The following PSMC3 variants were observed in gnomAD, a reference collection of about 807,000 sequenced individuals.
The protein encoded by PSMC3 is proteasome 26S subunit, ATPase 3.
Under a neutral mutation model 52.0 loss-of-function variants are expected in PSMC3, and 11 were observed. The ratio of observed to expected loss-of-function variants is 0.21; its 90% CI spans 0.13 to 0.35. The LOEUF is 0.35. Among genes scored for constraint, PSMC3 ranks in the 10% least tolerant of loss-of-function variants. The pLI is 1.00. For missense variants in PSMC3, 238 were observed against 567.1 expected (o/e 0.42, Z 5.89); for synonymous variants, 201 against 218.8 (o/e 0.92, Z 0.72).
Position 47,422,512 on chromosome 11 carries a change from A to C in PSMC3, c.884+62T>G. On this transcript the variant is annotated intron_variant, in intron 8 of 11. Transcript: ENST00000298852. This position sits in a 1 kb window ranked among gnomAD's most constrained non-coding sequence, Gnocchi z 4.3. ...AAGGAACCACAATTTAGCACAACTG[A>C]GAGTCAACCCGCTTCCCCTTACCGC... 1 of 1,590,392 alleles carries C rather than the reference A, an allele frequency of 6.3e-7. No individual in the cohort carries two copies. The highest frequency in any genetic ancestry group is 8.6e-7 in the Non-Finnish European group (1 of 1,164,056).
rs141647388 is a variant in PSMC3 at position 47,424,486 on chromosome 11, G to A, written c.396C>T (p.Tyr132=). The A allele has an allele frequency of 7.9e-5, 128 of 1,614,178 alleles. No homozygotes were observed. In the African/African-American group the frequency reaches 1.5e-3, roughly 19 times the overall value. ...AVIKTSTRQT[Y]FLPVIGLVDA... The stretch of plus-strand genomic sequence containing the variant: ...CCACCAACCCAATCACAGGAAGGAA[G>A]TACGTCTGTGGACAAGTTACAGGGG... The change falls in exon 5 of 12, where the codon TAC becomes TAT. Residue 132 remains tyrosine, a synonymous_variant. Transcript: ENST00000298852. The surrounding 1 kb of genome is among the most constrained non-coding windows in gnomAD (Gnocchi z 4.8).
intron 1 of PSMC3, 29 bp from the exon 2 acceptor site, chr11:47,425,979 A>G (rs748336855): frequency 1.3e-5 from 21 of 1,587,702 alleles, no homozygotes; most frequent in Non-Finnish European, 1.6e-5. Context: ...TTATTTATAT[A>G]TTTACTTTTA....
Position 47,424,123 on chromosome 11 carries a change from C to T in PSMC3, c.514G>A (p.Val172Met). The T allele has an allele frequency of 6.2e-7, 1 of 1,614,186 alleles. No homozygotes were observed. Among genetic ancestry groups the T allele is most frequent in the Non-Finnish European group, 8.5e-7 (1 of 1,180,032 alleles). ...CTCTCGTCTACCTCCATGGCCTTCA[C>T]CCGCGAGTCATACTCTGTGGGCAGC... ...ETLPTEYDSR[V>M]KAMEVDERPT... is the part of the protein sequence containing the mutation. Residue 172 changes from valine (V) to methionine (M), a missense_variant, in exon 6 of 12, where the codon GTG (valine) becomes ATG (methionine). Around this residue, in one of 6 missense-constraint regions of PSMC3, gnomAD observed 60 missense variants for 117.3 expected, o/e 0.51. Transcript: ENST00000298852. This position sits in a 1 kb window ranked among gnomAD's most constrained non-coding sequence, Gnocchi z 4.8.
chr11:47,422,261 C>T lies in PSMC3; in HGVS notation c.884+313G>A, dbSNP rs1180411904. On this transcript the variant is annotated intron_variant, in intron 8 of 11. Coordinates refer to ENST00000298852, the MANE Select transcript of PSMC3 (RefSeq NM_002804.5). This position sits in a 1 kb window ranked among gnomAD's most constrained non-coding sequence, Gnocchi z 4.3. Reference sequence around the variant, plus strand: ...GTTTCACCATGTTAGCCAGGATGGTCTCGATCTCCTGACCTCGTGATCCGC... The same window carrying T: ...GTTTCACCATGTTAGCCAGGATGGTTTCGATCTCCTGACCTCGTGATCCGC... Among the ~76,000 whole-genome samples, 1 of 152,150 alleles carries T rather than the reference C, an allele frequency of 6.6e-6. No homozygotes were observed. Among genetic ancestry groups the T allele is most frequent in the Non-Finnish European group, 1.5e-5 (1 of 68,020 alleles).
rs757158162 is a variant in PSMC3, at chr11:47,425,894, G to A, written c.132C>T (p.Arg44=). 1.2e-6 allele frequency: 2 copies of A among 1,613,920 alleles called. No homozygotes were observed. The highest frequency in any genetic ancestry group is 1.7e-6 in the Non-Finnish European group (2 of 1,179,890). ...LKMSTEEIIQ[R]TRLLDSEIKI... is the part of the protein sequence containing the mutation. ...TGATCTCACTGTCCAGCAGCCGTGT[G>A]CGCTGGATGATCTCCTCCGTGGACA... Residue 44 remains arginine, a synonymous_variant, in exon 2 of 12, where the codon CGC becomes CGT. Coordinates refer to ENST00000298852, the MANE Select transcript of PSMC3 (RefSeq NM_002804.5).
In PSMC3 at chr11:47,424,606, C is replaced by A; in HGVS notation, c.390+1G>T. On this transcript the variant is annotated splice_donor_variant, in intron 4 of 11. Coordinates refer to ENST00000298852, the MANE Select transcript of PSMC3 (RefSeq NM_002804.5). LOFTEE classifies it high-confidence loss of function. The surrounding 1 kb of genome is among the most constrained non-coding windows in gnomAD (Gnocchi z 4.8). ...GTCTCTCATTGCTGAGCCACGCTCA[C>A]CTGTCGTGTAGAGGTTTTGATCACA... is the stretch of plus-strand genomic sequence containing the variant. 1 of 1,612,286 alleles carries A rather than the reference C, an allele frequency of 6.2e-7. No individual in the cohort carries two copies.
At position 47,422,642 on chromosome 11, in the gene PSMC3, A is replaced by G. The variant is rs1266938901; in HGVS notation, c.816T>C (p.Phe272=). The change falls in exon 8 of 12, where the codon TTT becomes TTC. Residue 272 remains phenylalanine, a synonymous_variant. Coordinates refer to ENST00000298852, the MANE Select transcript of PSMC3 (RefSeq NM_002804.5). This position sits in a 1 kb window ranked among gnomAD's most constrained non-coding sequence, Gnocchi z 4.3. Reference sequence around the variant, plus strand: ...AGGGCGCTTTCTCCTTGGCCAGGGCAAAGGCATCCCGGACTAGCTTGGCAC... The same window carrying G: ...AGGGCGCTTTCTCCTTGGCCAGGGCGAAGGCATCCCGGACTAGCTTGGCAC... ...GDGAKLVRDA[F]ALAKEKAPSI... 6.2e-7 allele frequency: 1 copy of G among 1,614,162 alleles called. No homozygotes were observed.
Position 47,424,528 on chromosome 11 carries a change from C to A in PSMC3, c.391-37G>T. The A allele has an allele frequency of 6.2e-7, 1 of 1,611,536 alleles. No individual in the cohort carries two copies. Among genetic ancestry groups the A allele is most frequent in the Non-Finnish European group, 8.5e-7 (1 of 1,177,650 alleles). On this transcript the variant is annotated intron_variant, in intron 4 of 11. Coordinates refer to ENST00000298852, the MANE Select transcript of PSMC3 (RefSeq NM_002804.5). This position sits in a 1 kb window ranked among gnomAD's most constrained non-coding sequence, Gnocchi z 4.8. ...TTACAGGGGCAGTCTCAGTTAGTGTCCTCAGGGAAGGCTCCCTAGTCCTGT... is the reference window on the plus strand; with the variant it reads ...TTACAGGGGCAGTCTCAGTTAGTGTACTCAGGGAAGGCTCCCTAGTCCTGT...
rs2096041754 is a variant in PSMC3, at chr11:47,422,477, A to T, written c.884+97T>A. ...CCACCATCCAGGGGCAGGAGGGGAT[A>T]CAGGGTGGGAAGGAACCACAATTTA... is the stretch of plus-strand genomic sequence containing the variant. On this transcript the variant is annotated intron_variant, in intron 8 of 11. Transcript: ENST00000298852. The surrounding 1 kb of genome is among the most constrained non-coding windows in gnomAD (Gnocchi z 4.3). 1 of 1,453,538 alleles carries T rather than the reference A, an allele frequency of 6.9e-7. No individual in the cohort carries two copies. Among genetic ancestry groups the T allele is most frequent in the Non-Finnish European group, 9.4e-7 (1 of 1,061,738 alleles). 90.0% of individuals were successfully genotyped at this position (1,453,538 alleles called of 1,614,324 possible).
chr11:47,423,919 G>A (rs1409908210), intron 6 of PSMC3, 127 bp downstream of exon 6: 1 of 1,331,360 alleles, frequency 7.5e-7, no homozygotes, highest in African/African-American at 1.4e-5. Context: ...CCTGTCACAT[G>A]GCACCCCTCC....
At chr11:47,419,018 CT>C in intron 11 of PSMC3, 73 bp from the exon 12 acceptor site, 1 of 1,604,508 alleles carries the variant, frequency 6.2e-7, no homozygotes, top group Non-Finnish European at 8.5e-7. Context: ...GCTCAGGCCT[CT>C]TCCCTCAGCC....
chr11:47,424,380 G>A lies in PSMC3; in HGVS notation c.453+49C>T, dbSNP rs745466549. On this transcript the variant is annotated intron_variant, in intron 5 of 11. Coordinates refer to ENST00000298852, the MANE Select transcript of PSMC3 (RefSeq NM_002804.5). This position sits in a 1 kb window ranked among gnomAD's most constrained non-coding sequence, Gnocchi z 4.8. ...ACAGTGACCTGGGGCGGGTACAGGG[G>A]CTCAGCTAGTCACCAGAAAAGCACT... 3.8e-6 allele frequency: 6 copies of A among 1,597,994 alleles called. No homozygotes were observed. The highest frequency in any genetic ancestry group is 3.3e-5 in the Admixed American group (2 of 59,814).
At position 47,424,306 on chromosome 11, in the gene PSMC3, T is replaced by C; in HGVS notation, c.453+123A>G. ...GGCAATACAAGAATCAAACAGCAAG[T>C]AGACAGAATCCCAGACTCTCGGAGC... On this transcript the variant is annotated intron_variant, in intron 5 of 11. Coordinates refer to ENST00000298852, the MANE Select transcript of PSMC3 (RefSeq NM_002804.5). The surrounding 1 kb of genome is among the most constrained non-coding windows in gnomAD (Gnocchi z 4.8). 5 of 1,555,820 alleles carry C rather than the reference T, an allele frequency of 3.2e-6. No homozygotes were observed. The highest frequency in any genetic ancestry group is 4.4e-6 in the Non-Finnish European group (5 of 1,128,266).
At chr11:47,420,603 A>C (rs557853744) in intron 9 of PSMC3, 28 bp downstream of exon 9, 105 of 1,546,044 alleles carry the variant, frequency 6.8e-5, no homozygotes, top group Non-Finnish European at 8.9e-5. Context: ...GAGCCTCATC[A>C]TCTTTGCCTG....
intron 6 of PSMC3, among the ~76,000 whole-genome samples, chr11:47,423,192 G>A (rs1012225803): frequency 7.9e-5 from 12 of 152,196 alleles, no homozygotes; most frequent in African/African-American, 2.6e-4. Context: ...AAGGTCAGGA[G>A]ATCGAGACCA....
chr11:47,420,515 G>T, intron 9 of PSMC3, 106 bp from the exon 10 acceptor site: 1 of 1,522,908 alleles, frequency 6.6e-7, no homozygotes. Flanking sequence ...TGAGACACAT[G>T]GGATGTTAAA....
chr11:47,426,123 C>T, intron 1 of PSMC3, 82 bp downstream of exon 1: 1 of 1,489,960 alleles, frequency 6.7e-7, no homozygotes, highest in Non-Finnish European at 9.1e-7. Context: ...AGACCTTGAC[C>T]CCCAGCCACC....
chr11:47,424,417 G>C lies in PSMC3; in HGVS notation c.453+12C>G, dbSNP rs1208733334. On this transcript the variant is annotated intron_variant, in intron 5 of 11. Coordinates refer to ENST00000298852, the MANE Select transcript of PSMC3 (RefSeq NM_002804.5). This position sits in a 1 kb window ranked among gnomAD's most constrained non-coding sequence, Gnocchi z 4.8. ...ACCAGAAAAGCACTGCCTGGGCTCA[G>C]GCCCCACTCACCACCAGGTCTCCTG... 6.2e-7 allele frequency: 1 copy of C among 1,613,770 alleles called. No homozygotes were observed. Among genetic ancestry groups the C allele is most frequent in the Admixed American group, 1.7e-5 (1 of 60,012 alleles).
At chr11:47,425,350 C>A (rs2096045166) in intron 2 of PSMC3, 104 bp from the exon 3 acceptor site, 3 of 1,389,764 alleles carry the variant, frequency 2.2e-6, no homozygotes, top group South Asian at 1.2e-5. Context: ...CCTCCCGCAT[C>A]CATTCATCCA....
Sources: allele counts gnomAD v4.1 joint callset (sites outside exome capture counted in the v4.1 genomes callset), GRCh38; gene constraint gnomAD v4.1.1; regional missense constraint gnomAD v4.1.1; non-coding constraint Gnocchi (gnomAD v3.1); transcripts MANE v1.5; gene names NCBI Gene and HGNC (gene_info 2026-07-23, HGNC 2026-07-21).